The following MCM8 variants were observed in gnomAD, a reference collection of about 807,000 sequenced individuals.
MCM8 encodes the protein DNA helicase MCM8.
Under a neutral mutation model 98.9 loss-of-function variants are expected in MCM8, and 85 were observed. The ratio of observed to expected loss-of-function variants is 0.86; its 90% confidence interval spans 0.72 to 1.03. The LOEUF (loss-of-function observed/expected upper bound fraction) is 1.03, where lower values mean the gene tolerates loss of function less well. MCM8 is among the 50% of genes least tolerant of loss of function. The probability of loss-of-function intolerance (pLI) is 0.00; values close to 1 mark genes in which losing one functional copy is unlikely to be tolerated. For missense variants in MCM8, 951 were observed against 997.8 expected (o/e 0.95, Z 0.63); for synonymous variants, 352 against 338.6 (o/e 1.04, Z -0.44).
At chr20:5,956,182 G>A (rs986095708) in intron 5 of MCM8, among the ~76,000 whole-genome samples, 1 of 152,112 alleles carries the variant, frequency 6.6e-6, no homozygotes, top group African/African-American at 2.4e-5. Context: ...TCTACCTCTT[G>A]CCTGTGCTGT....
intron 1 of MCM8, among the ~76,000 whole-genome samples, 194 bp from the exon 2 acceptor site, chr20:5,951,817 C>G (rs2088833194): frequency 1.3e-5 from 2 of 152,134 alleles, no homozygotes; most frequent in South Asian, 4.2e-4. Context: ...TATGGTATAC[C>G]TTAAAAAGCG....
rs116476358 is a variant in MCM8 at position 5,959,058 on chromosome 20, C to T, written c.789+332C>T. On this transcript the variant is annotated intron_variant, in intron 7 of 18. Transcript: ENST00000610722. ...AAGTTATTATAATATGCATCCCTTC[C>T]ATTCATATTTCTGTTGACTTCTAGG... Among the ~76,000 whole-genome samples, 1,060 of 152,232 alleles carry T rather than the reference C, an allele frequency of 7.0e-3. 10 individuals are homozygous for T. Among genetic ancestry groups the T allele is most frequent in the African/African-American group, 0.024 (1,006 of 41,544 alleles).
chr20:5,984,561 A>G (rs2089691568), intron 14 of MCM8, among the ~76,000 whole-genome samples: 1 of 152,206 alleles, frequency 6.6e-6, no homozygotes, highest in Non-Finnish European at 1.5e-5. Context: ...AGAAAGAGCC[A>G]TGTCCTCAAC....
chr20:5,958,008 C>T (rs236119), intron 6 of MCM8, among the ~76,000 whole-genome samples: 56,299 of 151,770 alleles, frequency 0.37, 14,793 homozygotes, highest in African/African-American at 0.74. Context: ...CCTTAAATTT[C>T]TTTTTTCTTT....
At chr20:5,967,191 A>G (rs1402765937) in intron 8 of MCM8, among the ~76,000 whole-genome samples, 1 of 152,168 alleles carries the variant, frequency 6.6e-6, no homozygotes, top group Non-Finnish European at 1.5e-5. Context: ...TGATACCTCT[A>G]CATACCCCCA....
intron 13 of MCM8, among the ~76,000 whole-genome samples, chr20:5,982,254 A>G (rs1600294338): frequency 6.6e-6 from 1 of 152,246 alleles, no homozygotes; most frequent in East Asian, 1.9e-4. Context: ...ATCAGCAGTT[A>G]TTTTCCATAT....
chr20:5,955,071 AT>A, intron 4 of MCM8, 30 bp from the exon 5 acceptor site: 1 of 1,495,396 alleles, frequency 6.7e-7, no homozygotes, highest in Non-Finnish European at 9.2e-7. Flanking sequence ...CAGAAAAGCA[AT>A]TATTGTTTTC....
chr20:5,986,008 G>A lies in MCM8; in HGVS notation c.2040G>A (p.Arg680=). The A allele has an allele frequency of 6.2e-7, 1 of 1,614,186 alleles. No individual in the cohort carries two copies. Among genetic ancestry groups the A allele is most frequent in the Non-Finnish European group, 8.5e-7 (1 of 1,180,038 alleles). The change falls in exon 16 of 19, where the codon AGG becomes AGA. Residue 680 remains arginine, a synonymous_variant. Coordinates refer to ENST00000610722, the MANE Select transcript of MCM8 (RefSeq NM_032485.6). ...ATGCTCGGCAGTATGTGTACCCAAG[G>A]CTATCCACAGAAGCTGCTCGAGTTC... The part of the protein sequence containing the change: ...IGYARQYVYP[R]LSTEAARVLQ...
intron 17 of MCM8, among the ~76,000 whole-genome samples, chr20:5,992,254 C>CA (rs2122845073): frequency 6.6e-6 from 1 of 152,240 alleles, no homozygotes; most frequent in African/African-American, 2.4e-5. Context: ...TCTGGCAAGT[C>CA]ACTTTAATCT....
intron 7 of MCM8, among the ~76,000 whole-genome samples, chr20:5,961,363 C>T (rs2089138937): frequency 6.6e-6 from 1 of 152,166 alleles, no homozygotes; most frequent in Non-Finnish European, 1.5e-5. Flanking sequence ...CTAAATTTAA[C>T]ATTTGCTAAA....
At chr20:5,957,308 A>AT in intron 6 of MCM8, 79 bp downstream of exon 6, 1 of 984,634 alleles carries the variant, frequency 1.0e-6, no homozygotes. Flanking sequence ...CTCATTTTAT[A>AT]AAAATGAGGA....
At position 5,968,010 on chromosome 20, in the gene MCM8, T is replaced by G. The variant is rs768663149; in HGVS notation, c.1208T>G (p.Phe403Cys). Residue 403 changes from phenylalanine to cysteine, a missense_variant, in exon 10 of 19, where the codon TTT becomes TGT. By Grantham distance (205) the Phe-to-Cys change is radical (BLOSUM62 -2). Transcript: ENST00000610722. ...GAGATTCAAGCTGAAGAAAACCTGT[T>G]TAAACTCATTGTCAAGTATGTATGC... ...IQEIQAEENL[F>C]KLIVNSLCPV... is the part of the protein sequence containing the mutation. 3.1e-6 allele frequency: 5 copies of G among 1,608,858 alleles called. No homozygotes were observed. Among genetic ancestry groups the G allele is most frequent in the Non-Finnish European group, 4.2e-6 (5 of 1,178,200 alleles).
At chr20:5,974,562 C>T (rs1210431269) in intron 12 of MCM8, among the ~76,000 whole-genome samples, 1 of 152,208 alleles carries the variant, frequency 6.6e-6, no homozygotes, top group Non-Finnish European at 1.5e-5. Flanking sequence ...ATCCTGGCTG[C>T]ACATCTTAAT....
chr20:5,976,123 C>T (rs2089506062), intron 12 of MCM8, among the ~76,000 whole-genome samples: 1 of 152,122 alleles, frequency 6.6e-6, no homozygotes, highest in Non-Finnish European at 1.5e-5. Flanking sequence ...GAGATCCCAT[C>T]TCTAAAAACA....
chr20:5,993,697 TA>T lies in MCM8; in HGVS notation c.2430+3del. On this transcript the variant is annotated splice_donor_region_variant and intron_variant, in intron 18 of 18. Transcript: ENST00000610722. ...ATTGCCAAAGAACTAAACATTCAGG[TA>T]TGTTAAACTAGTTAATCTCTTTTGT... 6.3e-7 allele frequency: 1 copy of T among 1,586,934 alleles called. No homozygotes were observed. Among genetic ancestry groups the T allele is most frequent in the Non-Finnish European group, 8.6e-7 (1 of 1,163,096 alleles).
intron 17 of MCM8, 114 bp from the exon 18 acceptor site, chr20:5,993,392 G>A (rs1439157632): frequency 1.5e-6 from 1 of 663,210 alleles, no homozygotes; most frequent in Non-Finnish European, 2.4e-6. Flanking sequence ...TGAAATGTTT[G>A]CTAAGTGAGC....
chr20:5,982,894 C>T, intron 13 of MCM8, 76 bp from the exon 14 acceptor site: 1 of 1,210,684 alleles, frequency 8.3e-7, no homozygotes, highest in Non-Finnish European at 1.2e-6. Flanking sequence ...TATTGTGAAA[C>T]AATTTCTATC....
At chr20:5,971,834 T>G (rs1205202743) in intron 10 of MCM8, among the ~76,000 whole-genome samples, 173 bp from the exon 11 acceptor site, 3 of 152,232 alleles carry the variant, frequency 2.0e-5, no homozygotes, top group Non-Finnish European at 4.4e-5. Flanking sequence ...CTTTATAGAT[T>G]AACCAAGAAC....
chr20:5,969,724 A>T (rs139335219), intron 10 of MCM8, among the ~76,000 whole-genome samples: 1 of 152,126 alleles, frequency 6.6e-6, no homozygotes, highest in African/African-American at 2.4e-5. Context: ...ATAGTGCTCC[A>T]CAGGGGTTTT....
Sources: gnomAD v4.1 joint callset for allele counts (sites outside exome capture counted in the v4.1 genomes callset) on GRCh38, gnomAD v4.1.1 for gene constraint, MANE v1.5 for transcripts, NCBI Gene and HGNC (gene_info 2026-07-23, HGNC 2026-07-21) for gene names.